Variants in CCR3 observed in about 807,000 individuals in gnomAD.
CCR3 encodes C-C motif chemokine receptor 3.
For missense variants in CCR3, 419 were observed against 437.5 expected (o/e 0.96, Z 0.38); for synonymous variants, 203 against 179.2 (o/e 1.13, Z -1.06).
upstream of CCR3, among the ~76,000 whole-genome samples, chr3:46,239,929 T>C (rs1031094210): frequency 6.6e-6 from 1 of 152,180 alleles, no homozygotes; most frequent in Admixed American, 6.5e-5. Context: ...CTCAAAATCC[T>C]TCAATAGCTC....
intron 2 of CCR3, among the ~76,000 whole-genome samples, chr3:46,235,484 C>T (rs1188277205): frequency 6.6e-6 from 1 of 152,194 alleles, no homozygotes; most frequent in Non-Finnish European, 1.5e-5. Context: ...CATTTATAGA[C>T]AAGAAAATTG....
At chr3:46,253,208 T>C (rs1700351732) in intron 1 of CCR3, among the ~76,000 whole-genome samples, 2 of 152,318 alleles carry the variant, frequency 1.3e-5, no homozygotes, top group East Asian at 3.9e-4. Context: ...ACTCAGCCTC[T>C]GAGTGAATTC....
Position 46,265,953 on chromosome 3 carries a change from A to C in CCR3, c.795A>C (p.Gln265His), listed in dbSNP as rs1363611586. 6.2e-7 allele frequency: 1 copy of C among 1,613,984 alleles called. No individual in the cohort carries two copies. The highest frequency in any genetic ancestry group is 8.5e-7 in the Non-Finnish European group (1 of 1,179,976). ...YNVAILLSSY[Q>H]SILFGNDCER... Reference sequence around the variant, plus strand: ...TGGCTATCCTTCTCTCTTCCTATCAATCCATCTTATTTGGAAATGACTGTG... The same window carrying C: ...TGGCTATCCTTCTCTCTTCCTATCACTCCATCTTATTTGGAAATGACTGTG... Residue 265 changes from glutamine (Q) to histidine (H), a missense_variant, in exon 2 of 2, where the codon CAA becomes CAC. Physicochemically the swap from Gln to His is conservative, Grantham distance 24. Coordinates refer to ENST00000395940, the MANE Select transcript of CCR3 (RefSeq NM_178329.3).
At chr3:46,261,227 G>A (rs1700519906) in intron 1 of CCR3, among the ~76,000 whole-genome samples, 1 of 152,056 alleles carries the variant, frequency 6.6e-6, no homozygotes, top group South Asian at 2.1e-4. Flanking sequence ...TGATCCTAAA[G>A]TTTAATAAAA....
At chr3:46,260,099 G>C (rs1045243500) in intron 1 of CCR3, among the ~76,000 whole-genome samples, 1 of 152,110 alleles carries the variant, frequency 6.6e-6, no homozygotes, top group Non-Finnish European at 1.5e-5. Flanking sequence ...ATCAGATCCC[G>C]TGAGACTCAT....
At chr3:46,224,930 T>C (rs943300385) in intron 2 of CCR3, among the ~76,000 whole-genome samples, 1 of 152,146 alleles carries the variant, frequency 6.6e-6, no homozygotes, top group Non-Finnish European at 1.5e-5. Flanking sequence ...GACCCAGCAA[T>C]TCTACTTCCA....
chr3:46,233,425 C>T (rs190512988), intron 2 of CCR3, among the ~76,000 whole-genome samples: 13 of 152,306 alleles, frequency 8.5e-5, no homozygotes, highest in African/African-American at 2.6e-4. Context: ...CCTATGCTCT[C>T]CTGCAAAATA....
chr3:46,228,971 G>T (rs1214502429), intron 2 of CCR3, among the ~76,000 whole-genome samples: 1 of 152,212 alleles, frequency 6.6e-6, no homozygotes, highest in Non-Finnish European at 1.5e-5. Flanking sequence ...ATGTGTCAAT[G>T]TCTCTTTCTT....
chr3:46,212,438 C>A (rs927273334), intron 2 of CCR3, among the ~76,000 whole-genome samples: 2 of 152,086 alleles, frequency 1.3e-5, no homozygotes, highest in Non-Finnish European at 2.9e-5. Flanking sequence ...GGCAGTAGCA[C>A]CCCAGGTCCC....
In CCR3 at chr3:46,266,027, C is replaced by T; in HGVS notation, c.869C>T (p.Ala290Val). The T allele has an allele frequency of 6.2e-7, 1 of 1,614,040 alleles. No homozygotes were observed. Among genetic ancestry groups the T allele is most frequent in the Non-Finnish European group, 8.5e-7 (1 of 1,179,988 alleles). ...DLVMLVTEVIAYSHCCMNPVI... is the reference protein window; with the variant it reads ...DLVMLVTEVIVYSHCCMNPVI... ...GTCATGCTGGTGACAGAGGTGATCG[C>T]CTACTCCCACTGCTGCATGAACCCG... Residue 290 changes from alanine to valine, a missense_variant, in exon 2 of 2, where the codon GCC (alanine) becomes GTC (valine). By Grantham distance (64) the Ala-to-Val change is moderately conservative (BLOSUM62 0). Transcript: ENST00000395940.
intron 1 of CCR3, among the ~76,000 whole-genome samples, chr3:46,250,025 C>A (rs1700274961): frequency 6.6e-6 from 1 of 151,972 alleles, no homozygotes; most frequent in South Asian, 2.1e-4. Flanking sequence ...GGCCTTTTGA[C>A]CTTTTAGGGT....
At chr3:46,222,589 G>A (rs565215039) in intron 2 of CCR3, among the ~76,000 whole-genome samples, 3 of 152,160 alleles carry the variant, frequency 2.0e-5, no homozygotes, top group Non-Finnish European at 4.4e-5. Flanking sequence ...CATCATGCAT[G>A]GCCAGGCATG....
At chr3:46,256,617 C>G (rs1700430265) in intron 1 of CCR3, among the ~76,000 whole-genome samples, 1 of 152,036 alleles carries the variant, frequency 6.6e-6, no homozygotes, top group African/African-American at 2.4e-5. Flanking sequence ...ACAACAGTCA[C>G]AAGGGTATAA....
chr3:46,246,667 G>A (rs1490806175), intron 1 of CCR3, among the ~76,000 whole-genome samples: 4 of 152,114 alleles, frequency 2.6e-5, no homozygotes, highest in Non-Finnish European at 5.9e-5. Context: ...GGCCATCTGG[G>A]CGTATATGTG....
chr3:46,253,360 C>A (rs9854776), intron 1 of CCR3, among the ~76,000 whole-genome samples: 49,666 of 151,834 alleles, frequency 0.33, 8,754 homozygotes, highest in East Asian at 0.6. Context: ...CAGGGAGTCA[C>A]ACATAATTCT....
At position 46,228,789 on chromosome 3, in the gene CCR3, C is replaced by T. The variant is rs1384368456; in HGVS notation, c.-67-13613C>T. ...CATCTGTAAACTGGATATCTACAGA[C>T]TTGTGAGGATACATGTGATGATGCA... On this transcript the variant is annotated intron_variant, in intron 2 of 3. Coordinates refer to the CCR3 transcript ENST00000357422. 2.6e-5 allele frequency among the ~76,000 whole-genome samples: 4 copies of T among 152,170 alleles called. No homozygotes were observed. In the East Asian group the frequency reaches 5.8e-4, roughly 22 times the overall value.
At position 46,242,507 on chromosome 3, in the gene CCR3, A is replaced by C. The variant is rs201475778; in HGVS notation, c.-43A>C. The stretch of plus-strand genomic sequence containing the variant: ...TCCGGGCAAGAACTTATCGAAATAC[A>C]ATAGAAGTTTTTACTTAGAAGAGAT... On this transcript the variant is annotated 5_prime_UTR_variant, in exon 1 of 2. Coordinates refer to ENST00000395940, the MANE Select transcript of CCR3 (RefSeq NM_178329.3). 6.6e-6 allele frequency: 1 copy of C among 152,046 alleles called. No individual in the cohort carries two copies. The highest frequency in any genetic ancestry group is 2.4e-5 in the African/African-American group (1 of 41,392). The allele number at this position is 152,046 out of a possible 1,614,324, so 9.4% of individuals were successfully genotyped here.
chr3:46,254,140 C>G (rs925531573), intron 1 of CCR3, among the ~76,000 whole-genome samples: 2 of 152,038 alleles, frequency 1.3e-5, no homozygotes, highest in African/African-American at 4.8e-5. Flanking sequence ...TAGAATTATC[C>G]AGCAATGAAA....
intron 1 of CCR3, among the ~76,000 whole-genome samples, chr3:46,244,813 G>A (rs1266719417): frequency 6.6e-6 from 1 of 152,130 alleles, no homozygotes; most frequent in Non-Finnish European, 1.5e-5. Flanking sequence ...GGGCTCAGAG[G>A]CCTGACACTG....
Sources: gnomAD v4.1 joint callset for allele counts (sites outside exome capture counted in the v4.1 genomes callset) on GRCh38, gnomAD v4.1.1 for gene constraint, MANE v1.5 for transcripts, NCBI Gene and HGNC (gene_info 2026-07-23, HGNC 2026-07-21) for gene names.